Variants in C12orf76 observed in about 807,000 individuals in gnomAD.
C12orf76 encodes uncharacterized protein C12orf76.
Under a neutral mutation model 6.8 loss-of-function variants are expected in C12orf76, and 6 were observed. That is an observed-to-expected ratio of 0.88 (90% CI 0.48 to 1.73). C12orf76 has a LOEUF of 1.73. C12orf76 is among the 40% of genes most tolerant of loss of function. The pLI is 0.01. For synonymous variants in C12orf76, 56 were observed against 43.7 expected, an observed-to-expected ratio of 1.28 and a Z score of -1.11; for missense variants, 99 against 98.2, an observed-to-expected ratio of 1.01 and a Z score of -0.03.
intron 1 of C12orf76, 118 bp downstream of exon 1, chr12:110,048,245 C>T (rs75582595): frequency 7.9e-7 from 1 of 1,270,906 alleles, no homozygotes; most frequent in Non-Finnish European, 1.0e-6. Context: ...CTGCACCCCC[C>T]GCACTCACCC....
rs549536971 is a variant in C12orf76 at position 110,062,938 on chromosome 12, G to A, written n.380+2922C>T. Among the ~76,000 whole-genome samples, 77 of 148,598 alleles carry A rather than the reference G, an allele frequency of 5.2e-4. 1 individual carries two copies. The highest frequency in any genetic ancestry group is 1.7e-3 in the Admixed American group (26 of 14,866). On this transcript the variant is annotated intron_variant and non_coding_transcript_variant, in intron 2 of 4. Transcript: ENST00000309050. ...GATTATAGGGGTGAACCCCTGCAGCGGGCTGAATAAAGAGATTTTTTTTTT... is the reference window on the plus strand; with the variant it reads ...GATTATAGGGGTGAACCCCTGCAGCAGGCTGAATAAAGAGATTTTTTTTTT...
At chr12:110,070,554 G>A (rs2137243330), upstream of C12orf76, among the ~76,000 whole-genome samples, 1 of 152,242 alleles carries the variant, frequency 6.6e-6, no homozygotes, top group East Asian at 1.9e-4. Flanking sequence ...GACATAGTGT[G>A]ACCCTCTCTC....
rs140068187 is a variant in C12orf76, at chr12:110,072,744, G to A, written n.213+678C>T. Among the ~76,000 whole-genome samples the A allele has an allele frequency of 2.3e-3, 345 of 152,056 alleles. 1 individual carries two copies. The highest frequency in any genetic ancestry group is 7.9e-3 in the African/African-American group (328 of 41,488). On this transcript the variant is annotated intron_variant and non_coding_transcript_variant, in intron 1 of 1. Coordinates refer to the C12orf76 transcript ENST00000548936. ...TCTAGACCAGCCTGGCCAACATGGCGAAACCCCGTTTCTACTAAAAATACA... is the reference window on the plus strand; with the variant it reads ...TCTAGACCAGCCTGGCCAACATGGCAAAACCCCGTTTCTACTAAAAATACA...
At chr12:110,065,833 T>C in intron 2 of C12orf76, 1 of 1,614,196 alleles carries the variant, frequency 6.2e-7, no homozygotes, top group Non-Finnish European at 8.5e-7. Context: ...TCCTGCCCCC[T>C]GGTCTGGCTC....
At chr12:110,051,227 C>T (rs192120331), upstream of C12orf76, 4 of 766,546 alleles carry the variant, frequency 5.2e-6, no homozygotes, top group African/African-American at 5.1e-5. Flanking sequence ...GGGAGGCAGG[C>T]TCTGCAGGCC....
chr12:110,052,041 C>T (rs553785436), upstream of C12orf76, among the ~76,000 whole-genome samples: 23 of 150,164 alleles, frequency 1.5e-4, no homozygotes, highest in Admixed American at 5.3e-4. Flanking sequence ...TACAGGTGCC[C>T]GCCACCACGC....
intron 1 of C12orf76, among the ~76,000 whole-genome samples, chr12:110,043,881 AT>A (rs1892382191): frequency 6.6e-6 from 1 of 151,960 alleles, no homozygotes; most frequent in Admixed American, 6.6e-5. Context: ...AAAAAAAAAA[AT>A]GTTACGTTTT....
At chr12:110,042,980 T>G (rs909831664) in intron 1 of C12orf76, among the ~76,000 whole-genome samples, 2 of 151,910 alleles carry the variant, frequency 1.3e-5, no homozygotes, top group Admixed American at 1.3e-4. Context: ...CTCAGGAGGC[T>G]GAGGCAGGAG....
chr12:110,068,273 AG>A (rs1186832447), upstream of C12orf76, among the ~76,000 whole-genome samples: 3 of 133,654 alleles, frequency 2.2e-5, no homozygotes, highest in South Asian at 2.5e-4. Flanking sequence ...AAGAAGAAGA[AG>A]AAGAAGAAGA....
chr12:110,053,954 C>T (rs956004485), upstream of C12orf76, among the ~76,000 whole-genome samples: 3 of 151,760 alleles, frequency 2.0e-5, no homozygotes, highest in Admixed American at 6.6e-5. Flanking sequence ...TGTGGTGGCA[C>T]GAGCCTGTAG....
upstream of C12orf76, among the ~76,000 whole-genome samples, chr12:110,070,464 G>T (rs1260372391): frequency 6.6e-6 from 1 of 152,066 alleles, no homozygotes; most frequent in Non-Finnish European, 1.5e-5. Context: ...TACTTGGGAG[G>T]ATGAGGCAGG....
At chr12:110,060,109 C>G (rs1289412724) in intron 2 of C12orf76, among the ~76,000 whole-genome samples, 1 of 152,134 alleles carries the variant, frequency 6.6e-6, no homozygotes, top group African/African-American at 2.4e-5. Flanking sequence ...GCCTGTATTC[C>G]CAGCTACTCA....
chr12:110,070,781 G>GT (rs968467589), upstream of C12orf76, among the ~76,000 whole-genome samples: 38 of 152,006 alleles, frequency 2.5e-4, no homozygotes, highest in African/African-American at 7.7e-4. Context: ...TTTTGTTTTT[G>GT]TTTTTGTTTT....
upstream of C12orf76, among the ~76,000 whole-genome samples, chr12:110,053,264 C>T (rs543297406): frequency 2.0e-5 from 3 of 151,752 alleles, no homozygotes; most frequent in African/African-American, 4.8e-5. Context: ...CTTGGGAGGC[C>T]GAGGTGGGTG....
At chr12:110,067,461 T>TA in intron 1 of C12orf76, 2 of 985,432 alleles carry the variant, frequency 2.0e-6, no homozygotes, top group Non-Finnish European at 2.4e-6. Context: ...GAAGACCTTG[T>TA]AACAGATCAC....
upstream of C12orf76, chr12:110,050,263 T>G (rs1018108794): frequency 3.3e-5 from 5 of 152,296 alleles, no homozygotes; most frequent in African/African-American, 1.2e-4. Context: ...CTTTACCACC[T>G]CACACATTGC....
At chr12:110,066,927 C>T (rs1260039536) in intron 1 of C12orf76, among the ~76,000 whole-genome samples, 1 of 152,150 alleles carries the variant, frequency 6.6e-6, no homozygotes, top group African/African-American at 2.4e-5. Flanking sequence ...AGCCTGGGAC[C>T]ACGAATGAGA....
At chr12:110,057,079 A>T (rs1465411995) in intron 4 of C12orf76, 5 of 716,496 alleles carry the variant, frequency 7.0e-6, no homozygotes, top group African/African-American at 3.5e-5. Context: ...TGGAACCCTC[A>T]GGCTGCTTGT....
At chr12:110,066,088 G>A (rs1181953762) in intron 1 of C12orf76, 48 of 1,448,990 alleles carry the variant, frequency 3.3e-5, no homozygotes, top group South Asian at 2.8e-4. Flanking sequence ...CTATTTCCCC[G>A]AAGATGGTCA....
Sources: allele counts gnomAD v4.1 joint callset (sites outside exome capture counted in the v4.1 genomes callset), GRCh38; gene constraint gnomAD v4.1.1; transcripts MANE v1.5; gene names NCBI Gene and HGNC (gene_info 2026-07-23, HGNC 2026-07-21).